The following HOMER2 variants were observed in gnomAD, a reference collection of about 807,000 sequenced individuals.
HOMER2 encodes homer protein homolog 2.
Under a neutral mutation model 47.0 loss-of-function variants are expected in HOMER2, and 27 were observed. That is an observed-to-expected ratio of 0.57 (90% CI 0.42 to 0.79). The LOEUF (loss-of-function observed/expected upper bound fraction) is 0.79. Among genes scored for constraint, HOMER2 ranks in the 30% least tolerant of loss-of-function variants. The pLI, the probability that HOMER2 is intolerant of heterozygous loss-of-function variation, is 0.00. For synonymous variants in HOMER2, 161 were observed against 163.8 expected (o/e 0.98, Z 0.13); for missense variants, 443 against 435.0 (o/e 1.02, Z -0.16).
At chr15:82,971,670 T>C (rs1017994809) in intron 1 of HOMER2, among the ~76,000 whole-genome samples, 7 of 152,128 alleles carry the variant, frequency 4.6e-5, no homozygotes, top group African/African-American at 1.7e-4. Context: ...CAAGAAACTA[T>C]GGCTCTTGCC....
At chr15:82,961,069 G>A (rs536272092) in intron 1 of HOMER2, among the ~76,000 whole-genome samples, 31 of 152,366 alleles carry the variant, frequency 2.0e-4, no homozygotes, top group African/African-American at 7.2e-4. Flanking sequence ...CAAATGAGCA[G>A]ACCAGTGAGG....
intron 3 of HOMER2, among the ~76,000 whole-genome samples, chr15:82,869,063 C>A (rs149001642): frequency 1.3e-5 from 2 of 152,170 alleles, no homozygotes; most frequent in Admixed American, 1.3e-4. Context: ...GGTATAAATG[C>A]GACCACAGAA....
chr15:82,843,704 T>A (rs997461060), exon 2 of HOMER2: 11 of 151,874 alleles, frequency 7.2e-5, no homozygotes, highest in Non-Finnish European at 1.3e-4. Flanking sequence ...AAAAAAATAT[T>A]TTTTTTAGCT....
chr15:82,972,079 G>C (rs2030008860), intron 1 of HOMER2, among the ~76,000 whole-genome samples: 1 of 152,134 alleles, frequency 6.6e-6, no homozygotes, highest in African/African-American at 2.4e-5. Flanking sequence ...TTCACCCATT[G>C]TAAGTGTACA....
intron 2 of HOMER2, among the ~76,000 whole-genome samples, chr15:82,878,965 G>A (rs2052438744): frequency 6.6e-6 from 1 of 152,096 alleles, no homozygotes; most frequent in African/African-American, 2.4e-5. Context: ...ATTTTTCCCT[G>A]ATTCTTGGTA....
intron 1 of HOMER2, among the ~76,000 whole-genome samples, chr15:82,910,838 T>A (rs1438180621): frequency 6.6e-6 from 1 of 152,136 alleles, no homozygotes; most frequent in Non-Finnish European, 1.5e-5. Flanking sequence ...AACGTAACAG[T>A]GCCTAGTTTC....
At chr15:82,844,944 G>A (rs1336193474), downstream of HOMER2, 1 of 152,232 alleles carries the variant, frequency 6.6e-6, no homozygotes, top group Admixed American at 6.5e-5. Flanking sequence ...TGCACCACTT[G>A]GGACTCTGCC....
In HOMER2 at chr15:82,892,760, C is replaced by A. The variant is rs41310980; in HGVS notation, c.87G>T (p.Lys29Asn). 6.2e-7 allele frequency: 1 copy of A among 1,607,032 alleles called. No homozygotes were observed. Among genetic ancestry groups the A allele is most frequent in the East Asian group, 2.2e-5 (1 of 44,864 alleles). Residue 29 changes from lysine to asparagine, a missense_variant, in exon 2 of 9, where the codon AAG (lysine) becomes AAT (asparagine). By Grantham distance (94) the Lys-to-Asn change is moderately conservative. Transcript: ENST00000450735. ...NTKKNWMPAS[K>N]QAVTVSYFYD... ...AGAAGTAGGAAACGGTGACCGCCTG[C>A]TTGCTCGCAGGCATCCAGTTCTTCT...
intron 5 of HOMER2, among the ~76,000 whole-genome samples, chr15:82,858,280 C>T (rs1479768395): frequency 2.0e-5 from 3 of 151,720 alleles, no homozygotes; most frequent in African/African-American, 7.3e-5. Flanking sequence ...CTCAGATGTT[C>T]AAAATTCTTT....
At chr15:82,924,288 T>C (rs996070081) in intron 1 of HOMER2, among the ~76,000 whole-genome samples, 2 of 152,036 alleles carry the variant, frequency 1.3e-5, no homozygotes, top group African/African-American at 4.8e-5. Context: ...TGGAAAAGGT[T>C]CAATGCTTGA....
chr15:82,888,716 G>A (rs1413488970), intron 2 of HOMER2, among the ~76,000 whole-genome samples: 2 of 81,728 alleles, frequency 2.4e-5, no homozygotes, highest in African/African-American at 6.3e-5. Context: ...GACCCCTTGC[G>A]CTTCCCAGGT....
At chr15:82,971,047 AT>A in intron 1 of HOMER2, among the ~76,000 whole-genome samples, 1 of 152,318 alleles carries the variant, frequency 6.6e-6, no homozygotes, top group Non-Finnish European at 1.5e-5. Context: ...TGAATTATTG[AT>A]GGGAAGAAAA....
chr15:82,844,573 A>G (rs990531907), downstream of HOMER2: 4 of 152,238 alleles, frequency 2.6e-5, no homozygotes, highest in African/African-American at 9.6e-5. Context: ...CTGAAAAGAT[A>G]AAAACTGAAA....
chr15:82,892,419 A>G (rs1192806185), intron 2 of HOMER2, among the ~76,000 whole-genome samples: 2 of 152,222 alleles, frequency 1.3e-5, no homozygotes, highest in Non-Finnish European at 2.9e-5. Flanking sequence ...GAAGCCACTT[A>G]AATATCCAAC....
downstream of HOMER2, among the ~76,000 whole-genome samples, chr15:82,836,259 C>G (rs1378595633): frequency 6.6e-6 from 1 of 152,256 alleles, no homozygotes; most frequent in Non-Finnish European, 1.5e-5. Context: ...GGACAAGTGT[C>G]TCCTATTGCC....
intron 4 of HOMER2, among the ~76,000 whole-genome samples, chr15:82,860,368 G>A (rs1479234108): frequency 6.6e-6 from 1 of 151,732 alleles, no homozygotes; most frequent in Non-Finnish European, 1.5e-5. Context: ...TTTAAAATAT[G>A]GTGGGGGGGA....
chr15:82,854,683 G>T lies in HOMER2; in HGVS notation c.612C>A (p.Phe204Leu). The stretch of plus-strand genomic sequence containing the variant: ...GGTCATTCTCATCACGGCAGATGGA[G>T]AACTGCCTCTTCCACTGCTCCACAC... ...AASVEQWKRQ[F>L]SICRDENDRL... Residue 204 changes from phenylalanine (F) to leucine (L), a missense_variant, in exon 6 of 9, where the codon TTC becomes TTA. By Grantham distance (22) the Phe-to-Leu change is conservative (BLOSUM62 0). Transcript: ENST00000450735. 1.2e-6 allele frequency: 2 copies of T among 1,613,124 alleles called. No homozygotes were observed. Among genetic ancestry groups the T allele is most frequent in the Non-Finnish European group, 1.7e-6 (2 of 1,179,862 alleles).
intron 3 of HOMER2, among the ~76,000 whole-genome samples, chr15:82,874,591 G>A (rs73446949): frequency 0.01 from 1,544 of 152,192 alleles, 30 homozygotes; most frequent in African/African-American, 0.036. Flanking sequence ...AGGGCCCTTG[G>A]AGAAGTGACT....
chr15:82,881,654 A>G (rs1301007618), intron 2 of HOMER2, among the ~76,000 whole-genome samples: 1 of 152,224 alleles, frequency 6.6e-6, no homozygotes, highest in African/African-American at 2.4e-5. Flanking sequence ...TGAGGAGTGG[A>G]CGAGCAGAGC....
Sources: gnomAD v4.1 joint callset for allele counts (sites outside exome capture counted in the v4.1 genomes callset) on GRCh38, gnomAD v4.1.1 for gene constraint, MANE v1.5 for transcripts, NCBI Gene and HGNC (gene_info 2026-07-23, HGNC 2026-07-21) for gene names.